The following PRKN variants were observed in gnomAD, a reference collection of about 807,000 sequenced individuals.
The protein encoded by PRKN is E3 ubiquitin-protein ligase parkin.
A neutral mutation model predicts 59.5 loss-of-function variants in PRKN; 56 were observed. That is an observed-to-expected ratio of 0.94 (90% confidence interval 0.76 to 1.18). PRKN has a LOEUF of 1.18. PRKN is among the 50% of genes most tolerant of loss of function. The probability of loss-of-function intolerance (pLI) is 0.00; values close to 1 mark genes in which losing one functional copy is unlikely to be tolerated. For synonymous variants in PRKN, 250 were observed against 222.1 expected, an observed-to-expected ratio of 1.13 and a Z score of -1.12; for missense variants, 657 against 596.4, an observed-to-expected ratio of 1.10 and a Z score of -1.06.
chr6:161,744,859 T>C (rs1021511798), intron 7 of PRKN, among the ~76,000 whole-genome samples: 9 of 152,222 alleles, frequency 5.9e-5, no homozygotes, highest in African/African-American at 1.9e-4. Context: ...ATTACGGTGA[T>C]AGATGCCAGC....
chr6:162,584,800 CCCCT>C, intron 1 of PRKN, among the ~76,000 whole-genome samples: 1 of 7,854 alleles, frequency 1.3e-4, no homozygotes, highest in Non-Finnish European at 2.0e-4. Flanking sequence ...CCCCTCCCCT[CCCCT>C]CCCCTCCCCT....
intron 3 of PRKN, among the ~76,000 whole-genome samples, chr6:162,208,672 T>G (rs893880594): frequency 2.0e-5 from 3 of 152,176 alleles, no homozygotes. Context: ...TGCTTTTTCT[T>G]TCAGAAATGG....
At chr6:161,730,017 T>G (rs1787611863) in intron 7 of PRKN, among the ~76,000 whole-genome samples, 1 of 152,206 alleles carries the variant, frequency 6.6e-6, no homozygotes, top group Admixed American at 6.5e-5. Flanking sequence ...TTCTTTCTGA[T>G]GTGTTGCATT....
intron 7 of PRKN, among the ~76,000 whole-genome samples, chr6:161,642,443 T>G (rs1562577883): frequency 6.6e-6 from 1 of 152,214 alleles, no homozygotes; most frequent in Non-Finnish European, 1.5e-5. Flanking sequence ...CTTTCTAGAA[T>G]TATTGTGATA....
At chr6:162,101,650 C>T (rs745730436) in intron 4 of PRKN, among the ~76,000 whole-genome samples, 23 of 151,438 alleles carry the variant, frequency 1.5e-4, no homozygotes, top group Non-Finnish European at 3.2e-4. Context: ...CCAGCCTAGG[C>T]AACAGAGCGA....
rs531569615 is a variant in PRKN at position 162,348,800 on chromosome 6, AAGAG to A, written c.172-86039_172-86036del. On this transcript the variant is annotated intron_variant, in intron 2 of 11. Transcript: ENST00000366898. ...ACTGAAGTAAAAAGCAAAAAAGAAAAAGAGAGAGAGAAAGAGAGACAGAAATTCT... is the reference window on the plus strand; with the variant it reads ...ACTGAAGTAAAAAGCAAAAAAGAAAAAGAGAGAAAGAGAGACAGAAATTCT... 1.0e-3 allele frequency among the ~76,000 whole-genome samples: 159 copies of A among 152,238 alleles called. 1 individual carries two copies. Among genetic ancestry groups the A allele is most frequent in the South Asian group, 8.3e-3 (40 of 4,816 alleles).
intron 1 of PRKN, among the ~76,000 whole-genome samples, chr6:162,584,785 CCT>C (rs1780945360): frequency 4.0e-5 from 2 of 50,334 alleles, no homozygotes; most frequent in African/African-American, 9.8e-5. Context: ...CCTCTCCTCT[CCT>C]CTCCCCTCCC....
At chr6:162,518,975 C>T (rs563378588) in intron 1 of PRKN, among the ~76,000 whole-genome samples, 127 of 152,158 alleles carry the variant, frequency 8.3e-4, no homozygotes, top group African/African-American at 3.0e-3. Context: ...CTTACTGGCT[C>T]GGGGGCTCAT....
intron 2 of PRKN, among the ~76,000 whole-genome samples, chr6:162,335,734 T>C (rs1783814701): frequency 6.6e-6 from 1 of 152,104 alleles, no homozygotes; most frequent in South Asian, 2.1e-4. Flanking sequence ...ATTTTGATAA[T>C]GCCTTCTTCT....
At chr6:161,424,947 C>T (rs757909924) in intron 9 of PRKN, among the ~76,000 whole-genome samples, 8 of 152,046 alleles carry the variant, frequency 5.3e-5, no homozygotes, top group East Asian at 3.9e-4. Context: ...ACTGTACTGT[C>T]GAGGGAGACT....
intron 2 of PRKN, among the ~76,000 whole-genome samples, chr6:162,388,863 G>A (rs1786997725): frequency 6.6e-6 from 1 of 152,072 alleles, no homozygotes; most frequent in African/African-American, 2.4e-5. Context: ...GGGTATGGGG[G>A]TCTGATGCCC....
chr6:162,227,672 A>G (rs984329245), intron 3 of PRKN, among the ~76,000 whole-genome samples: 1 of 151,862 alleles, frequency 6.6e-6, no homozygotes, highest in Admixed American at 6.6e-5. Context: ...TCTTCCCCTC[A>G]CTCTTAAACT....
intron 1 of PRKN, among the ~76,000 whole-genome samples, chr6:162,503,424 A>G (rs1204695343): frequency 6.6e-6 from 1 of 152,028 alleles, no homozygotes; most frequent in Non-Finnish European, 1.5e-5. Context: ...TCAGCCTCCC[A>G]GAGTGCCGGG....
At chr6:161,891,701 A>G (rs767111507) in intron 6 of PRKN, among the ~76,000 whole-genome samples, 4 of 152,320 alleles carry the variant, frequency 2.6e-5, no homozygotes, top group Non-Finnish European at 5.9e-5. Flanking sequence ...TACAGGGGGT[A>G]AGACAAATAC....
At chr6:162,550,823 G>C (rs1779305576) in intron 1 of PRKN, among the ~76,000 whole-genome samples, 1 of 152,156 alleles carries the variant, frequency 6.6e-6, no homozygotes, top group Admixed American at 6.5e-5. Context: ...TGTGTGTCAT[G>C]CTGCGACGGT....
chr6:162,018,888 C>T (rs757867479), intron 5 of PRKN, among the ~76,000 whole-genome samples: 52 of 152,160 alleles, frequency 3.4e-4, no homozygotes, highest in Non-Finnish European at 1.0e-4. Context: ...TAGCAAGTCA[C>T]CTGTTTTTAT....
In PRKN at chr6:161,448,143, C is replaced by T. The variant is rs1408565858; in HGVS notation, c.1084-61266G>A. 2.0e-5 allele frequency among the ~76,000 whole-genome samples: 3 copies of T among 152,078 alleles called. No individual in the cohort carries two copies. Among genetic ancestry groups the T allele is most frequent in the Non-Finnish European group, 2.9e-5 (2 of 68,018 alleles). ...GTGTTAGCCGTTGTATGGAAAACAC[C>T]GTGATTCTGTTCAGCGCCTCCCTTT... On this transcript the variant is annotated intron_variant, in intron 9 of 11. Transcript: ENST00000366898. The surrounding 1 kb of genome is among the most constrained non-coding windows in gnomAD (Gnocchi z 5.1).
intron 1 of PRKN, chr6:162,727,188 T>TA (rs1779268346): frequency 6.4e-6 from 1 of 156,714 alleles, no homozygotes; most frequent in Non-Finnish European, 1.4e-5. Flanking sequence ...TGCCTTCCAT[T>TA]AGAGTTTAAT....
rs747376218 is a variant in PRKN at position 161,973,304 on chromosome 6, G to A, written c.732C>T (p.Val244=). 1 of 1,600,684 alleles carries A rather than the reference G, an allele frequency of 6.2e-7. No individual in the cohort carries two copies. The highest frequency in any genetic ancestry group is 1.1e-5 in the South Asian group (1 of 90,798). ...TGACACTATTTTTAGATCCTTACCTGACGTCTGTGCACGTAATGCAAGTGA... is the reference window on the plus strand; with the variant it reads ...TGACACTATTTTTAGATCCTTACCTAACGTCTGTGCACGTAATGCAAGTGA... The part of the protein sequence containing the change: ...RNITCITCTD[V]RSPVLVFQCN... Residue 244 remains valine (V), a splice_region_variant and synonymous_variant, in exon 6 of 12, where the codon GTC becomes GTT. Transcript: ENST00000366898.
Sources: gnomAD v4.1 joint callset for allele counts (sites outside exome capture counted in the v4.1 genomes callset) on GRCh38, gnomAD v4.1.1 for gene constraint, Gnocchi (gnomAD v3.1) non-coding constraint, MANE v1.5 for transcripts, NCBI Gene and HGNC (gene_info 2026-07-23, HGNC 2026-07-21) for gene names.